ABCA4: variants seen among roughly 807,000 people sequenced by gnomAD.
ABCA4 encodes the protein retinal-specific phospholipid-transporting ATPase ABCA4.
Under a neutral mutation model 263.7 loss-of-function variants are expected in ABCA4, and 196 were observed. That is an observed-to-expected ratio of 0.74 (90% CI 0.66 to 0.84). The LOEUF (loss-of-function observed/expected upper bound fraction) is 0.84, where lower values mean the gene tolerates loss of function less well. ABCA4 is among the 40% of genes least tolerant of loss of function. The pLI is 0.00. For synonymous variants in ABCA4, 1,133 were observed against 1,094.2 expected (o/e 1.04, Z -0.70); for missense variants, 2,792 against 2,855.1 (o/e 0.98, Z 0.50).
intron 47 of ABCA4, 57 bp from the exon 48 acceptor site, chr1:93,998,167 T>C: frequency 6.2e-7 from 1 of 1,612,720 alleles, no homozygotes. Context: ...CCTAAGGTAA[T>C]CCCAAAATAA....
In ABCA4 at chr1:94,036,525, C is replaced by T. The variant is rs2001963; in HGVS notation, c.3862+215G>A. ...CCGAGTAGCTGGAATTACAGGTGCG[C>T]GCCACCACACCTAGCTAATTTTTGT... On this transcript the variant is annotated intron_variant, in intron 26 of 49. Coordinates refer to ENST00000370225, the MANE Select transcript of ABCA4 (RefSeq NM_000350.3). Among the ~76,000 whole-genome samples, 7,252 of 151,886 alleles carry T rather than the reference C, an allele frequency of 0.048. 213 individuals are homozygous for T. The highest frequency in any genetic ancestry group is 0.063 in the Non-Finnish European group (4,306 of 67,912).
At chr1:94,050,324 G>A (rs967500800) in intron 17 of ABCA4, among the ~76,000 whole-genome samples, 3 of 152,342 alleles carry the variant, frequency 2.0e-5, no homozygotes, top group Admixed American at 1.3e-4. Flanking sequence ...GCATGTGCAT[G>A]TTCCAGATTT....
chr1:94,001,919 C>T lies in ABCA4; in HGVS notation c.6221G>A (p.Gly2074Asp), dbSNP rs367839100. The change falls in exon 45 of 50, where the codon GGC (glycine) becomes GAC (aspartate). Residue 2074 changes from glycine to aspartate, a missense_variant. By Grantham distance (94) the Gly-to-Asp change is moderately conservative (BLOSUM62 -1). Transcript: ENST00000370225. ...GGCTGTGGAGAGTTTCCGCTTGTTG[C>T]CCCCACTGTACGTGCCAGCCAGGCA... ...ADCLAGTYSG[G>D]NKRKLSTAIA... is the part of the protein sequence containing the mutation. 13 of 1,614,104 alleles carry T rather than the reference C, an allele frequency of 8.1e-6. No homozygotes were observed. The highest frequency in any genetic ancestry group is 1.3e-5 in the African/African-American group (1 of 74,932).
intron 1 of ABCA4, among the ~76,000 whole-genome samples, chr1:94,118,624 G>A (rs1018801046): frequency 5.9e-5 from 9 of 152,188 alleles, no homozygotes; most frequent in South Asian, 2.1e-4. Flanking sequence ...ATCGGGAGGC[G>A]TGCCAGACAG....
chr1:94,042,714 G>T, intron 22 of ABCA4, 47 bp downstream of exon 22: 5 of 1,613,708 alleles, frequency 3.1e-6, no homozygotes, highest in Non-Finnish European at 4.2e-6. Flanking sequence ...ACCACAGCTA[G>T]GGCTGCAGTG....
Position 94,001,942 on chromosome 1 carries a change from G to T in ABCA4, c.6198C>A (p.Cys2066Ter). 6.2e-7 allele frequency: 1 copy of T among 1,614,214 alleles called. No individual in the cohort carries two copies. The highest frequency in any genetic ancestry group is 8.5e-7 in the Non-Finnish European group (1 of 1,180,040). ...TGCCCCCACTGTACGTGCCAGCCAG[G>T]CAGTCGGCGTAGACAGTCAGGCCCA... ...KSLGLTVYAD[C>*]LAGTYSGGNK... The change falls in exon 45 of 50, where the codon TGC (cysteine) becomes TGA (stop). Residue 2066 changes from cysteine (C) to a stop codon, truncating the protein, a stop_gained. Coordinates refer to ENST00000370225, the MANE Select transcript of ABCA4 (RefSeq NM_000350.3). LOFTEE classifies it high-confidence loss of function.
In ABCA4 at chr1:94,112,990, A is replaced by G. The variant is rs1570434341; in HGVS notation, c.143T>C (p.Leu48Pro). 6.2e-7 allele frequency: 1 copy of G among 1,613,824 alleles called. No homozygotes were observed. The highest frequency in any genetic ancestry group is 8.5e-7 in the Non-Finnish European group (1 of 1,179,696). The change falls in exon 2 of 50, where the codon CTC becomes CCC. Residue 48 changes from leucine to proline, a missense_variant. By Grantham distance (98) the Leu-to-Pro change is moderately conservative (BLOSUM62 -3). Transcript: ENST00000370225. ...ATGCTTACATTCATGATGGCTGTAGAGTGGGTTGGCATTCCTTAACCAGAT... is the reference window on the plus strand; with the variant it reads ...ATGCTTACATTCATGATGGCTGTAGGGTGGGTTGGCATTCCTTAACCAGAT... ...VLIWLRNANP[L>P]YSHHECHFPN...
At position 94,083,436 on chromosome 1, in the gene ABCA4, G is replaced by A. The variant is rs1233702260; in HGVS notation, c.774C>T (p.Pro258=). The A allele has an allele frequency of 6.2e-7, 1 of 1,612,804 alleles. No individual in the cohort carries two copies. Among genetic ancestry groups the A allele is most frequent in the Non-Finnish European group, 8.5e-7 (1 of 1,179,192 alleles). ...VDFFKLFRVL[P]TLLDSRSQGI... is the part of the protein sequence containing the mutation. Reference sequence around the variant, plus strand: ...CTTGAGAACGGCTGTCTAGGAGTGTGGGAAGCTGTAATTGACAGTAAAACA... The same window carrying A: ...CTTGAGAACGGCTGTCTAGGAGTGTAGGAAGCTGTAATTGACAGTAAAACA... The change falls in exon 7 of 50, where the codon CCC becomes CCT. Residue 258 remains proline (P), a synonymous_variant. Transcript: ENST00000370225.
chr1:94,083,191 A>T (rs529261155), intron 7 of ABCA4, among the ~76,000 whole-genome samples, 161 bp downstream of exon 7: 2 of 152,344 alleles, frequency 1.3e-5, no homozygotes, highest in South Asian at 4.1e-4. Context: ...AAGAGCACAG[A>T]TAATTTGGGA....
chr1:94,007,094 G>T (rs934458220), intron 43 of ABCA4, among the ~76,000 whole-genome samples: 1 of 152,152 alleles, frequency 6.6e-6, no homozygotes, highest in Non-Finnish European at 1.5e-5. Flanking sequence ...CCTACAAATA[G>T]CCAATGCAGG....
intron 35 of ABCA4, 113 bp downstream of exon 35, chr1:94,021,127 A>T: frequency 6.8e-7 from 1 of 1,463,984 alleles, no homozygotes; most frequent in Non-Finnish European, 9.6e-7. Context: ...GTGCCTGACT[A>T]AACAGCATTA....
At chr1:94,054,008 C>T (rs989602366) in intron 16 of ABCA4, among the ~76,000 whole-genome samples, 18 of 152,374 alleles carry the variant, frequency 1.2e-4, no homozygotes, top group Admixed American at 9.1e-4. Context: ...CATCAAGAGC[C>T]AGGCATGGCT....
At chr1:94,087,485 G>T (rs1270159019) in intron 6 of ABCA4, among the ~76,000 whole-genome samples, 2 of 152,222 alleles carry the variant, frequency 1.3e-5, no homozygotes, top group Non-Finnish European at 2.9e-5. Context: ...GTCATAGGAT[G>T]GGGTTTCTGG....
chr1:94,011,562 A>G (rs1012057661), intron 38 of ABCA4, among the ~76,000 whole-genome samples, 177 bp from the exon 39 acceptor site: 1 of 152,168 alleles, frequency 6.6e-6, no homozygotes, highest in Non-Finnish European at 1.5e-5. Flanking sequence ...TGGGTTTGCA[A>G]TGGAGGTCAT....
intron 32 of ABCA4, among the ~76,000 whole-genome samples, chr1:94,022,230 T>C (rs1262164472): frequency 1.3e-5 from 2 of 152,234 alleles, no homozygotes; most frequent in Non-Finnish European, 2.9e-5. Flanking sequence ...GAGTGGCCTA[T>C]TCTGGACATA....
At chr1:94,056,035 TAGGAAGTTTCTC>T (rs1275532866) in intron 15 of ABCA4, among the ~76,000 whole-genome samples, 1 of 152,204 alleles carries the variant, frequency 6.6e-6, no homozygotes, top group Non-Finnish European at 1.5e-5. Context: ...AATTGTGAAC[TAGGAAGTTTCTC>T]AGGCCATCAG....
chr1:94,082,749 AG>A (rs1191942113), intron 7 of ABCA4, among the ~76,000 whole-genome samples: 4 of 152,170 alleles, frequency 2.6e-5, no homozygotes, highest in African/African-American at 9.7e-5. Flanking sequence ...TCTTTCCCAC[AG>A]GGTCATGACC....
intron 14 of ABCA4, among the ~76,000 whole-genome samples, chr1:94,057,087 T>A (rs760515297): frequency 9.9e-5 from 15 of 152,138 alleles, no homozygotes; most frequent in Non-Finnish European, 1.6e-4. Flanking sequence ...TGTTCCTACA[T>A]CAGCAAACCA....
At chr1:94,056,869 C>T (rs373629378) in intron 14 of ABCA4, 47 bp from the exon 15 acceptor site, 37 of 1,477,520 alleles carry the variant, frequency 2.5e-5, no homozygotes, top group East Asian at 4.9e-5. Flanking sequence ...CTTGGCCGGA[C>T]GCCTTCTCAT....
Sources: allele counts gnomAD v4.1 joint callset (sites outside exome capture counted in the v4.1 genomes callset), GRCh38; gene constraint gnomAD v4.1.1; transcripts MANE v1.5; gene names NCBI Gene and HGNC (gene_info 2026-07-23, HGNC 2026-07-21).